SUMF1: variants seen among roughly 807,000 people sequenced by gnomAD.
The protein encoded by SUMF1 is sulfatase modifying factor 1, also known as formylglycine-generating enzyme.
In SUMF1, 48 loss-of-function variants were observed where a neutral mutation model predicts 47.6. The observed-to-expected ratio is 1.01, with a 90% confidence interval of 0.80 to 1.28. The LOEUF is 1.28. Among genes scored for constraint, SUMF1 ranks in the 50% most tolerant of loss-of-function variants. The pLI, the probability that SUMF1 is intolerant of heterozygous loss-of-function variation, is 0.00. For missense variants in SUMF1, 571 were observed against 485.4 expected, an observed-to-expected ratio of 1.18 and a Z score of -1.66; for synonymous variants, 230 against 192.1, an observed-to-expected ratio of 1.20 and a Z score of -1.63.
chr3:4,391,833 T>C (rs755321742), intron 7 of SUMF1, among the ~76,000 whole-genome samples: 6 of 65,924 alleles, frequency 9.1e-5, no homozygotes, highest in Admixed American at 2.9e-4. Flanking sequence ...TTTCTTTTCT[T>C]TTTTTTTTTT....
At chr3:4,350,357 AATTGTGTGTGT>A (rs1438406819) in intron 8 of SUMF1, among the ~76,000 whole-genome samples, 2 of 55,924 alleles carry the variant, frequency 3.6e-5, no homozygotes, top group East Asian at 2.0e-3. Context: ...GTGTGTGTAT[AATTGTGTGTGT>A]ATAATTGTGT....
At chr3:4,267,964 T>G (rs565682352) in intron 8 of SUMF1, among the ~76,000 whole-genome samples, 2 of 146,816 alleles carry the variant, frequency 1.4e-5, no homozygotes, top group East Asian at 3.9e-4. Flanking sequence ...CTATTCACAA[T>G]AGCAAAGACT....
chr3:4,341,481 T>C (rs1280171461), intron 8 of SUMF1, among the ~76,000 whole-genome samples: 1 of 152,198 alleles, frequency 6.6e-6, no homozygotes, highest in Non-Finnish European at 1.5e-5. Context: ...TATTTTTTTT[T>C]AATCTGCCAA....
At chr3:4,343,431 C>A (rs1575113601) in intron 8 of SUMF1, among the ~76,000 whole-genome samples, 1 of 152,172 alleles carries the variant, frequency 6.6e-6, no homozygotes, top group East Asian at 1.9e-4. Flanking sequence ...AGACTGATTT[C>A]ATTAACAGTG....
rs200741318 is a variant in SUMF1 at position 4,413,862 on chromosome 3, C to CA, written c.841-2885dup. On this transcript the variant is annotated intron_variant, in intron 6 of 8. Transcript: ENST00000272902. Reference sequence around the variant, plus strand: ...GAAACACAATGAGACCTCACCTCCACAAAAAAAAAATTTTTTTTTAAGATA... The same window carrying CA: ...GAAACACAATGAGACCTCACCTCCACAAAAAAAAAAATTTTTTTTTAAGATA... Among the ~76,000 whole-genome samples the CA allele has an allele frequency of 5.0e-3, 749 of 149,788 alleles. 6 individuals carry two copies. The highest frequency in any genetic ancestry group is 0.016 in the African/African-American group (669 of 40,864).
chr3:4,102,190 A>C (rs1203706768), intron 8 of SUMF1, among the ~76,000 whole-genome samples: 1 of 152,136 alleles, frequency 6.6e-6, no homozygotes, highest in East Asian at 1.9e-4. Flanking sequence ...TGCATAACAT[A>C]ATTTCTGGAA....
intron 8 of SUMF1, among the ~76,000 whole-genome samples, chr3:4,347,331 C>T (rs1699394673): frequency 6.6e-6 from 1 of 152,162 alleles, no homozygotes; most frequent in African/African-American, 2.4e-5. Context: ...ACAACTTACC[C>T]ACCACAATCA....
At chr3:4,297,016 T>C (rs374528513) in intron 8 of SUMF1, among the ~76,000 whole-genome samples, 1 of 152,244 alleles carries the variant, frequency 6.6e-6, no homozygotes, top group Middle Eastern at 3.4e-3. Context: ...TTCCCCTGCT[T>C]CTCCATCTAT....
intron 8 of SUMF1, among the ~76,000 whole-genome samples, chr3:4,268,207 G>A (rs1044854575): frequency 1.3e-5 from 2 of 152,032 alleles, no homozygotes; most frequent in African/African-American, 4.8e-5. Flanking sequence ...GGACACAGGA[G>A]GGGGAACATC....
At chr3:4,153,805 C>CA (rs1157947664) in intron 8 of SUMF1, among the ~76,000 whole-genome samples, 3 of 151,358 alleles carry the variant, frequency 2.0e-5, no homozygotes, top group Non-Finnish European at 2.9e-5. Context: ...TTGTTGCCTA[C>CA]AATTGCTTTT....
intron 8 of SUMF1, among the ~76,000 whole-genome samples, chr3:4,098,617 T>C (rs1289072680): frequency 2.0e-5 from 3 of 152,170 alleles, no homozygotes; most frequent in Non-Finnish European, 2.9e-5. Flanking sequence ...TTTTCTGTGA[T>C]AAATATCACC....
At chr3:4,392,963 G>T (rs1251025347) in intron 7 of SUMF1, among the ~76,000 whole-genome samples, 1 of 152,024 alleles carries the variant, frequency 6.6e-6, no homozygotes, top group East Asian at 1.9e-4. Context: ...CAAGGTGTAT[G>T]GATTGAGAAA....
chr3:4,159,827 A>G (rs1186290934), intron 8 of SUMF1, among the ~76,000 whole-genome samples: 1 of 152,164 alleles, frequency 6.6e-6, no homozygotes. Context: ...CACTGGACAT[A>G]CTATTCTAGG....
intron 8 of SUMF1, among the ~76,000 whole-genome samples, chr3:4,105,115 G>T (rs749863290): frequency 6.6e-6 from 1 of 152,106 alleles, no homozygotes; most frequent in Non-Finnish European, 1.5e-5. Context: ...CATGATAAGT[G>T]AAATAAGCCA....
chr3:4,154,393 A>C (rs1694406485), intron 8 of SUMF1, among the ~76,000 whole-genome samples: 1 of 151,554 alleles, frequency 6.6e-6, no homozygotes, highest in South Asian at 2.1e-4. Context: ...TAAAATTTAA[A>C]GAATTACCAC....
chr3:4,131,298 C>T (rs1378216609), intron 8 of SUMF1, among the ~76,000 whole-genome samples: 1 of 152,134 alleles, frequency 6.6e-6, no homozygotes, highest in East Asian at 1.9e-4. Context: ...GGCTCAAATG[C>T]CCATGGTCTC....
In SUMF1 at chr3:4,376,381, G is replaced by A. The variant is rs1430699637; in HGVS notation, c.963C>T (p.Pro321=). 1 of 1,613,996 alleles carries A rather than the reference G, an allele frequency of 6.2e-7. No homozygotes were observed. Among genetic ancestry groups the A allele is most frequent in the African/African-American group, 1.3e-5 (1 of 74,924 alleles). The change falls in exon 8 of 9, where the codon CCC becomes CCT. Residue 321 remains proline, a synonymous_variant. Transcript: ENST00000272902. ...TCTTCACTCGGTCTTTCCCAGAAGG[G>A]GGACCTTTCTACAGATGAAGAAAAA... ...SVEETLNPKG[P]PSGKDRVKKG...
chr3:4,305,077 G>A (rs762946412), intron 8 of SUMF1, among the ~76,000 whole-genome samples: 6 of 152,098 alleles, frequency 3.9e-5, no homozygotes, highest in East Asian at 1.9e-4. Flanking sequence ...CAATAGAAAT[G>A]TTTAGGTTAA....
At chr3:4,428,607 G>C (rs1481009586) in intron 3 of SUMF1, among the ~76,000 whole-genome samples, 1 of 152,142 alleles carries the variant, frequency 6.6e-6, no homozygotes, top group Non-Finnish European at 1.5e-5. Flanking sequence ...TCCCAACTCA[G>C]CCTCCCAAAG....
Sources: gnomAD v4.1 joint callset for allele counts (sites outside exome capture counted in the v4.1 genomes callset) on GRCh38, gnomAD v4.1.1 for gene constraint, MANE v1.5 for transcripts, NCBI Gene and HGNC (gene_info 2026-07-23, HGNC 2026-07-21) for gene names.